The following ARAP2 variants were observed in gnomAD, a reference collection of about 807,000 sequenced individuals.
ARAP2 encodes the protein ArfGAP with RhoGAP domain, ankyrin repeat and PH domain 2.
In ARAP2, 148 loss-of-function variants were observed where a neutral mutation model predicts 194.5. The ratio of observed to expected loss-of-function variants is 0.76; its 90% CI spans 0.67 to 0.87. The LOEUF (loss-of-function observed/expected upper bound fraction) is 0.87, where lower values mean the gene tolerates loss of function less well. Among genes scored for constraint, ARAP2 ranks in the 40% least tolerant of loss-of-function variants. The pLI is 0.00. For synonymous variants in ARAP2, 695 were observed against 683.5 expected (o/e 1.02, Z -0.26); for missense variants, 2,128 against 1,989.7 (o/e 1.07, Z -1.32).
intron 22 of ARAP2, 77 bp downstream of exon 22, chr4:36,124,785 T>A: frequency 1.1e-6 from 1 of 915,882 alleles, no homozygotes; most frequent in African/African-American, 1.7e-5. Context: ...CGTAGAAAGA[T>A]TCACAATCAC....
chr4:36,131,211 A>G (rs902380381), intron 20 of ARAP2, among the ~76,000 whole-genome samples: 1 of 151,612 alleles, frequency 6.6e-6, no homozygotes, highest in African/African-American at 2.4e-5. Flanking sequence ...GGTTTCCCCA[A>G]CGTTCTGAAT....
Position 36,114,296 on chromosome 4 carries a change from G to C in ARAP2, c.4039-9C>G. ...TCCATCACAGGAGATATCTGTAAGA[G>C]AAGTAATATTTTTTCAAAAAACGTG... On this transcript the variant is annotated splice_polypyrimidine_tract_variant and intron_variant, in intron 25 of 32. Coordinates refer to ENST00000303965, the MANE Select transcript of ARAP2 (RefSeq NM_015230.4). 6.5e-7 allele frequency: 1 copy of C among 1,531,194 alleles called. No homozygotes were observed. Among genetic ancestry groups the C allele is most frequent in the Non-Finnish European group, 8.9e-7 (1 of 1,118,290 alleles). The allele number at this position is 1,531,194 out of a possible 1,614,324, so 94.9% of individuals were successfully genotyped here. A position where few individuals can be genotyped will look rare whatever the true frequency, so the allele number is the denominator to read the frequency against.
intron 27 of ARAP2, among the ~76,000 whole-genome samples, chr4:36,105,603 G>A (rs1718183384): frequency 6.6e-6 from 1 of 151,934 alleles, no homozygotes; most frequent in South Asian, 2.1e-4. Context: ...CGTACCAGCT[G>A]TCACTGTACC....
In ARAP2 at chr4:36,016,582, A is replaced by C. The variant is rs140893859; in HGVS notation, n.751-624T>G. Among the ~76,000 whole-genome samples, 1,031 of 152,304 alleles carry C rather than the reference A, an allele frequency of 6.8e-3. 16 individuals are homozygous for C. The highest frequency in any genetic ancestry group is 0.024 in the African/African-American group (980 of 41,564). Reference sequence around the variant, plus strand: ...ATAGAATATCTTCAGAAATTTATAAAACTAATTAGTACCAATGGGTATCTT... The same window carrying C: ...ATAGAATATCTTCAGAAATTTATAACACTAATTAGTACCAATGGGTATCTT... On this transcript the variant is annotated intron_variant and non_coding_transcript_variant, in intron 6 of 12. Coordinates refer to the ARAP2 transcript ENST00000503225.
chr4:36,097,712 T>C (rs1715681746), intron 27 of ARAP2, among the ~76,000 whole-genome samples: 1 of 152,104 alleles, frequency 6.6e-6, no homozygotes, highest in Non-Finnish European at 1.5e-5. Context: ...AATCCTAGGA[T>C]GCACATTAAC....
intron 27 of ARAP2, among the ~76,000 whole-genome samples, chr4:36,099,477 G>A (rs989261641): frequency 2.6e-5 from 4 of 151,938 alleles, no homozygotes; most frequent in Non-Finnish European, 4.4e-5. Context: ...AATATCGTAC[G>A]CCTGTCATAC....
chr4:36,118,574 TAA>T (rs1300098493), intron 24 of ARAP2, among the ~76,000 whole-genome samples: 1 of 151,346 alleles, frequency 6.6e-6, no homozygotes, highest in African/African-American at 2.4e-5. Flanking sequence ...AATATGAATA[TAA>T]AAGATAAAAA....
intron 31 of ARAP2, among the ~76,000 whole-genome samples, chr4:36,079,100 G>A (rs111944328): frequency 0.049 from 7,224 of 148,794 alleles, 389 homozygotes; most frequent in African/African-American, 0.13. Flanking sequence ...CTTGAACCCA[G>A]GAGGCAGAGA....
chr4:36,209,708 T>G (rs1485996838), intron 6 of ARAP2, among the ~76,000 whole-genome samples: 2 of 152,164 alleles, frequency 1.3e-5, no homozygotes, highest in African/African-American at 4.8e-5. Context: ...ATGAAAAACA[T>G]TTCAAGTAAA....
chr4:36,179,548 C>A (rs1738752864), intron 8 of ARAP2, among the ~76,000 whole-genome samples: 1 of 152,122 alleles, frequency 6.6e-6, no homozygotes, highest in African/African-American at 2.4e-5. Flanking sequence ...AACTGGCAAA[C>A]CTTGAGGTAC....
At chr4:36,070,373 C>G (rs547877151) in intron 32 of ARAP2, among the ~76,000 whole-genome samples, 44 of 152,128 alleles carry the variant, frequency 2.9e-4, no homozygotes, top group Non-Finnish European at 5.4e-4. Context: ...ATTAGGCATT[C>G]ATAATTTAAA....
intron 5 of ARAP2, among the ~76,000 whole-genome samples, chr4:36,030,539 GA>G (rs1254405178): frequency 6.6e-6 from 1 of 151,878 alleles, no homozygotes; most frequent in Non-Finnish European, 1.5e-5. Flanking sequence ...AATTCACCTT[GA>G]AACGTAGATC....
chr4:36,098,781 A>G (rs562764050), intron 27 of ARAP2, among the ~76,000 whole-genome samples: 1 of 151,860 alleles, frequency 6.6e-6, no homozygotes, highest in African/African-American at 2.4e-5. Context: ...GATTCTCCCA[A>G]CTACTTCAGT....
chr4:36,112,779 G>A (rs923794960), intron 26 of ARAP2, among the ~76,000 whole-genome samples: 2 of 151,628 alleles, frequency 1.3e-5, no homozygotes, highest in Non-Finnish European at 1.5e-5. Context: ...GTACTATAAA[G>A]AGAAATGAGA....
At position 36,206,926 on chromosome 4, in the gene ARAP2, G is replaced by T. The variant is rs567757538; in HGVS notation, c.1487+3464C>A. ...GTCCTAAAACATTTCAAGTAAAATA[G>T]AAATTCTTTAATATACAGTGCAGTT... On this transcript the variant is annotated intron_variant, in intron 6 of 32. Transcript: ENST00000303965. Among the ~76,000 whole-genome samples, 32 of 152,326 alleles carry T rather than the reference G, an allele frequency of 2.1e-4. No homozygotes were observed. The East Asian group carries it at 6.0e-3, about 28-fold the overall frequency.
intron 31 of ARAP2, among the ~76,000 whole-genome samples, chr4:36,079,914 T>C (rs1170321571): frequency 6.6e-6 from 1 of 152,094 alleles, no homozygotes; most frequent in Non-Finnish European, 1.5e-5. Flanking sequence ...GGATGACAGC[T>C]TAGAAAAGTC....
At chr4:36,008,795 C>T (rs1228456652) in intron 9 of ARAP2, among the ~76,000 whole-genome samples, 1 of 152,038 alleles carries the variant, frequency 6.6e-6, no homozygotes, top group Non-Finnish European at 1.5e-5. Context: ...GCAAACTATG[C>T]ACCCAACAAA....
intron 25 of ARAP2, among the ~76,000 whole-genome samples, chr4:36,114,535 A>AGACCAC (rs1720856908): frequency 6.6e-6 from 1 of 152,080 alleles, no homozygotes; most frequent in African/African-American, 2.4e-5. Flanking sequence ...CTGAGCAATT[A>AGACCAC]GACCACTCAG....
intron 15 of ARAP2, among the ~76,000 whole-genome samples, chr4:36,152,389 T>C (rs899862648): frequency 6.6e-6 from 1 of 152,078 alleles, no homozygotes; most frequent in Non-Finnish European, 1.5e-5. Context: ...TTCTAAAATA[T>C]AAGAAAAGGT....
Sources: gnomAD v4.1 joint callset for allele counts (sites outside exome capture counted in the v4.1 genomes callset) on GRCh38, gnomAD v4.1.1 for gene constraint, MANE v1.5 for transcripts, NCBI Gene and HGNC (gene_info 2026-07-23, HGNC 2026-07-21) for gene names.